The following PEAK1 variants were observed in gnomAD, a reference collection of about 807,000 sequenced individuals.
PEAK1 encodes the protein pseudopodium enriched atypical kinase 1.
In PEAK1, 54 loss-of-function variants were observed where a neutral mutation model predicts 124.7. The ratio of observed to expected loss-of-function variants is 0.43; its 90% CI spans 0.35 to 0.54. The LOEUF is 0.54. PEAK1 is among the 20% of genes least tolerant of loss of function. The pLI is 0.01. For missense variants in PEAK1, 2,046 were observed against 2,134.5 expected (o/e 0.96, Z 0.82); for synonymous variants, 719 against 760.0 (o/e 0.95, Z 0.89).
At chr15:77,121,404 T>C (rs2051906713) in intron 9 of PEAK1, among the ~76,000 whole-genome samples, 1 of 152,164 alleles carries the variant, frequency 6.6e-6, no homozygotes, top group South Asian at 2.1e-4. Flanking sequence ...AGGTAGAATA[T>C]ATGAACAGCT....
chr15:77,251,546 C>T (rs759982494), intron 6 of PEAK1, among the ~76,000 whole-genome samples: 1 of 152,130 alleles, frequency 6.6e-6, no homozygotes, highest in Non-Finnish European at 1.5e-5. Flanking sequence ...CAAAAAATAA[C>T]ACCAAAAAAT....
chr15:77,175,352 A>G (rs1266038925), intron 7 of PEAK1, among the ~76,000 whole-genome samples: 2 of 152,222 alleles, frequency 1.3e-5, no homozygotes, highest in African/African-American at 4.8e-5. Context: ...CAACCTATTC[A>G]TCTGACAAAG....
intron 2 of PEAK1, among the ~76,000 whole-genome samples, chr15:77,293,697 AATATTG>A (rs2063342878): frequency 6.6e-6 from 1 of 152,154 alleles, no homozygotes; most frequent in African/African-American, 2.4e-5. Flanking sequence ...AGGTTAACTA[AATATTG>A]ATTACTATTA....
At chr15:77,236,295 G>A (rs2060120098) in intron 6 of PEAK1, among the ~76,000 whole-genome samples, 1 of 152,228 alleles carries the variant, frequency 6.6e-6, no homozygotes, top group African/African-American at 2.4e-5. Flanking sequence ...AAGCTGCAGA[G>A]GCAGGACTAC....
intron 2 of PEAK1, among the ~76,000 whole-genome samples, chr15:77,312,256 A>C (rs1023167273): frequency 6.6e-6 from 1 of 152,224 alleles, no homozygotes; most frequent in Admixed American, 6.5e-5. Context: ...GGTAACTGCG[A>C]CCAACTAAGT....
rs1355734239 is a variant in PEAK1 at position 77,286,517 on chromosome 15, G to A, written c.-602-13C>T. ...AAGTATTCTTTTCCTATTAGAAGAT[G>A]CAAAGTGGGGAAGATATATTAATAA... On this transcript the variant is annotated splice_polypyrimidine_tract_variant and intron_variant, in intron 2 of 9. Coordinates refer to ENST00000682557, the MANE Select transcript of PEAK1 (RefSeq NM_001385026.1). The A allele has an allele frequency of 1.7e-6, 2 of 1,191,454 alleles. No homozygotes were observed. The highest frequency in any genetic ancestry group is 3.2e-5 in the African/African-American group (2 of 63,450). 73.8% of individuals were successfully genotyped at this position (1,191,454 alleles called of 1,614,324 possible). A position where few individuals can be genotyped will look rare whatever the true frequency, so the allele number is the denominator to read the frequency against.
chr15:77,118,682 A>G (rs2051619236), intron 9 of PEAK1, among the ~76,000 whole-genome samples: 1 of 152,214 alleles, frequency 6.6e-6, no homozygotes, highest in Admixed American at 6.5e-5. Context: ...AGGAATCTCA[A>G]GAAAGATTCT....
intron 2 of PEAK1, among the ~76,000 whole-genome samples, chr15:77,345,019 T>G (rs1385971159): frequency 6.6e-6 from 1 of 152,192 alleles, no homozygotes; most frequent in Non-Finnish European, 1.5e-5. Context: ...CTTTCTAGTT[T>G]GGATAAATTT....
At chr15:77,275,686 C>T (rs563047225) in intron 5 of PEAK1, among the ~76,000 whole-genome samples, 25 of 149,250 alleles carry the variant, frequency 1.7e-4, no homozygotes, top group African/African-American at 4.0e-4. Context: ...GCAGCCTGGG[C>T]GACACAGTGA....
intron 6 of PEAK1, among the ~76,000 whole-genome samples, chr15:77,249,012 G>A (rs1285102659): frequency 2.0e-5 from 3 of 151,910 alleles, no homozygotes; most frequent in Non-Finnish European, 2.9e-5. Context: ...TGGTAGATTC[G>A]GGGTTTCACC....
chr15:77,115,060 T>C lies in PEAK1; in HGVS notation c.4337A>G (p.Glu1446Gly). 6.2e-7 allele frequency: 1 copy of C among 1,614,168 alleles called. No homozygotes were observed. The highest frequency in any genetic ancestry group is 8.5e-7 in the Non-Finnish European group (1 of 1,180,022). The change falls in exon 10 of 10, where the codon GAG (glutamate) becomes GGG (glycine). Residue 1446 changes from glutamate to glycine, a missense_variant. By Grantham distance (98) the Glu-to-Gly change is moderately conservative (BLOSUM62 -2). Coordinates refer to ENST00000682557, the MANE Select transcript of PEAK1 (RefSeq NM_001385026.1). ...PCSEAASSQK[E>G]NQGVMSKKQR... ...CTTCTTGCTCATGACTCCCTGATTCTCTTTCTGGGATGATGCTGCTTCAGA... is the reference window on the plus strand; with the variant it reads ...CTTCTTGCTCATGACTCCCTGATTCCCTTTCTGGGATGATGCTGCTTCAGA...
In PEAK1 at chr15:77,321,987, G is replaced by T. The variant is rs373298374; in HGVS notation, c.-602-35483C>A. The stretch of plus-strand genomic sequence containing the variant: ...AGGATTAAGAAACTCACTCAAAACC[G>T]CTCGACTACATGGAAACGGAACAAC... On this transcript the variant is annotated intron_variant, in intron 2 of 9. Transcript: ENST00000682557. Among the ~76,000 whole-genome samples, 13 of 152,216 alleles carry T rather than the reference G, an allele frequency of 8.5e-5. No individual in the cohort carries two copies. The East Asian group carries it at 1.7e-3, about 20-fold the overall frequency.
intron 2 of PEAK1, chr15:77,335,130 C>G (rs2066117972): frequency 1.0e-6 from 1 of 985,292 alleles, no homozygotes; most frequent in Non-Finnish European, 1.2e-6. Flanking sequence ...GTCAAAGAGC[C>G]AAGAGAGGGA....
At chr15:77,106,577 G>A (rs1448175993), downstream of PEAK1, 16 of 152,156 alleles carry the variant, frequency 1.1e-4, no homozygotes, top group Admixed American at 1.0e-3. Flanking sequence ...TGTTAGCCAG[G>A]ATGGTCTCGA....
intron 1 of PEAK1, among the ~76,000 whole-genome samples, chr15:77,388,120 A>G (rs8037561): frequency 0.66 from 99,663 of 151,936 alleles, 33,641 homozygotes; most frequent in Non-Finnish European, 0.75. Flanking sequence ...CTTGAGCCCA[A>G]GAGGTAAAAG....
chr15:77,347,374 T>C (rs1190650363), intron 2 of PEAK1: 1 of 985,224 alleles, frequency 1.0e-6, no homozygotes, highest in Non-Finnish European at 1.2e-6. Context: ...GGAAGAGGTT[T>C]CTGAATCAGA....
At position 77,278,832 on chromosome 15, in the gene PEAK1, G is replaced by GGTT. The variant is rs563877153; in HGVS notation, c.-275+5050_-275+5051insAAC. ...TTTATAAAAATGCAAAATTTTGTGG[G>GGTT]TTTTTTTTTTTTTTTTTTGAGACAG... On this transcript the variant is annotated intron_variant, in intron 5 of 9. Coordinates refer to ENST00000682557, the MANE Select transcript of PEAK1 (RefSeq NM_001385026.1). 1.1e-4 allele frequency: 25 copies of GGTT among 226,022 alleles called. No individual in the cohort carries two copies. In the East Asian group the frequency reaches 2.8e-3, roughly 25 times the overall value. 14.0% of individuals were successfully genotyped at this position (226,022 alleles called of 1,614,324 possible).
intron 6 of PEAK1, among the ~76,000 whole-genome samples, chr15:77,250,856 C>G (rs1334771516): frequency 6.6e-6 from 1 of 152,144 alleles, no homozygotes; most frequent in Non-Finnish European, 1.5e-5. Flanking sequence ...GGCCACCGTG[C>G]CCCATCCAAG....
intron 2 of PEAK1, among the ~76,000 whole-genome samples, chr15:77,321,474 G>C (rs967600690): frequency 6.6e-6 from 1 of 152,148 alleles, no homozygotes; most frequent in Non-Finnish European, 1.5e-5. Flanking sequence ...AAAAGTGTCT[G>C]TTCATATCCT....
Sources: allele counts gnomAD v4.1 joint callset (sites outside exome capture counted in the v4.1 genomes callset), GRCh38; gene constraint gnomAD v4.1.1; transcripts MANE v1.5; gene names NCBI Gene and HGNC (gene_info 2026-07-23, HGNC 2026-07-21).